The following PTPRD variants were observed in gnomAD, a reference collection of about 807,000 sequenced individuals.
PTPRD encodes receptor-type tyrosine-protein phosphatase delta.
Under a neutral mutation model 214.5 loss-of-function variants are expected in PTPRD, and 34 were observed. That is an observed-to-expected ratio of 0.16 (90% CI 0.12 to 0.21). The LOEUF is 0.21. Ranked by LOEUF, PTPRD falls within the 10% of genes least tolerant of loss-of-function variation. PTPRD has a pLI of 1.00. For synonymous variants in PTPRD, 1,128 were observed against 845.7 expected (o/e 1.33, Z -5.79); for missense variants, 2,545 against 2,398.7 (o/e 1.06, Z -1.27).
chr9:8,517,160 G>GATC (rs1456778235), intron 21 of PTPRD, among the ~76,000 whole-genome samples: 1 of 151,562 alleles, frequency 6.6e-6, no homozygotes, highest in Non-Finnish European at 1.5e-5. Context: ...AAGCCAAACT[G>GATC]ATCACCTTGA....
chr9:9,085,858 C>A (rs1389855616), intron 10 of PTPRD, among the ~76,000 whole-genome samples: 2 of 152,150 alleles, frequency 1.3e-5, no homozygotes, highest in African/African-American at 4.8e-5. Context: ...CTAGAGAAGT[C>A]TTCCGCTCAG....
intron 2 of PTPRD, among the ~76,000 whole-genome samples, chr9:10,528,159 C>A (rs1035302887): frequency 1.2e-4 from 19 of 152,148 alleles, no homozygotes; most frequent in African/African-American, 4.6e-4. Flanking sequence ...CTAAATTCCT[C>A]CAGAAGAAAT....
intron 14 of PTPRD, among the ~76,000 whole-genome samples, chr9:8,622,895 T>C (rs755466517): frequency 1.3e-5 from 2 of 152,020 alleles, no homozygotes; most frequent in East Asian, 3.9e-4. Flanking sequence ...TCCCATGACT[T>C]TGGGAAAACG....
At chr9:8,850,454 C>T (rs937999843) in intron 11 of PTPRD, among the ~76,000 whole-genome samples, 8 of 152,008 alleles carry the variant, frequency 5.3e-5, no homozygotes, top group Non-Finnish European at 1.2e-4. Context: ...AAAGAAGTAA[C>T]TGACAAAGAA....
At chr9:9,280,935 G>A (rs1947467931) in intron 9 of PTPRD, among the ~76,000 whole-genome samples, 1 of 150,962 alleles carries the variant, frequency 6.6e-6, no homozygotes, top group African/African-American at 2.4e-5. Flanking sequence ...ATAGATCAAT[G>A]GAACAGAAAA....
chr9:8,876,423 T>C (rs547956177), intron 11 of PTPRD, among the ~76,000 whole-genome samples: 1 of 152,314 alleles, frequency 6.6e-6, no homozygotes, highest in African/African-American at 2.4e-5. Flanking sequence ...GAATGTGATT[T>C]TCTGTGGGAA....
At chr9:9,630,112 C>A (rs192835181) in intron 7 of PTPRD, among the ~76,000 whole-genome samples, 65 of 152,276 alleles carry the variant, frequency 4.3e-4, no homozygotes, top group Non-Finnish European at 8.1e-4. Flanking sequence ...GAAACACATG[C>A]ATTAGGGGAG....
intron 2 of PTPRD, among the ~76,000 whole-genome samples, chr9:10,610,852 G>A (rs1468620760): frequency 6.6e-6 from 1 of 151,994 alleles, no homozygotes; most frequent in African/African-American, 2.4e-5. Context: ...TCAACACTGA[G>A]TAATCAAAAC....
intron 8 of PTPRD, among the ~76,000 whole-genome samples, chr9:9,495,567 C>G (rs1197733346): frequency 6.6e-6 from 1 of 152,030 alleles, no homozygotes; most frequent in East Asian, 1.9e-4. Context: ...GATGGCTGGA[C>G]CTTGAGGGAG....
At chr9:9,519,755 A>G (rs1011252157) in intron 8 of PTPRD, among the ~76,000 whole-genome samples, 1 of 152,064 alleles carries the variant, frequency 6.6e-6, no homozygotes, top group African/African-American at 2.4e-5. Context: ...GAAAGACTCA[A>G]TATTATCAAA....
intron 11 of PTPRD, chr9:8,861,888 C>T (rs1586828108): frequency 6.6e-6 from 1 of 152,180 alleles, no homozygotes; most frequent in East Asian, 1.9e-4. Flanking sequence ...ATGTCTAATA[C>T]ACTTTATTGA....
At chr9:9,795,405 G>C (rs530916180) in intron 5 of PTPRD, among the ~76,000 whole-genome samples, 1 of 152,084 alleles carries the variant, frequency 6.6e-6, no homozygotes, top group Non-Finnish European at 1.5e-5. Context: ...ACAATATTGA[G>C]GGCCATTGCC....
chr9:9,809,334 C>T (rs1047621979), intron 5 of PTPRD, among the ~76,000 whole-genome samples: 15 of 142,840 alleles, frequency 1.1e-4, no homozygotes, highest in Admixed American at 6.0e-4. Flanking sequence ...GTGGCCTGAT[C>T]TCGGCTCACT....
intron 5 of PTPRD, among the ~76,000 whole-genome samples, chr9:9,872,137 A>C (rs2065628226): frequency 2.0e-5 from 3 of 152,120 alleles, no homozygotes; most frequent in Admixed American, 6.5e-5. Context: ...TATCCATCAA[A>C]GTTGGCAATC....
intron 3 of PTPRD, among the ~76,000 whole-genome samples, chr9:10,226,734 G>T (rs1299059929): frequency 1.3e-5 from 2 of 151,944 alleles, no homozygotes; most frequent in Non-Finnish European, 2.9e-5. Flanking sequence ...AAGTCTGTTT[G>T]TCAGCATGAG....
intron 2 of PTPRD, among the ~76,000 whole-genome samples, chr9:10,569,608 T>C (rs911555520): frequency 1.3e-5 from 2 of 152,026 alleles, no homozygotes; most frequent in African/African-American, 4.8e-5. Context: ...TTAGGGTTGA[T>C]AAATTATTAG....
chr9:8,643,985 C>G, intron 12 of PTPRD, among the ~76,000 whole-genome samples: 1 of 152,164 alleles, frequency 6.6e-6, no homozygotes, highest in East Asian at 1.9e-4. Flanking sequence ...CTGGTGGTGC[C>G]TTTTCTGGGA....
chr9:10,162,720 CATATACATGTACATATAT>C (rs2099136100), intron 3 of PTPRD, among the ~76,000 whole-genome samples: 3 of 144,080 alleles, frequency 2.1e-5, no homozygotes, highest in Non-Finnish European at 3.0e-5. Flanking sequence ...TATATATATA[CATATACATGTACATATAT>C]ATATACATAT....
At chr9:8,515,460 T>C (rs1372265820) in intron 21 of PTPRD, among the ~76,000 whole-genome samples, 2 of 152,172 alleles carry the variant, frequency 1.3e-5, no homozygotes, top group East Asian at 1.9e-4. Context: ...AATCCATATG[T>C]TGACATCCTC....
Sources: allele counts gnomAD v4.1 joint callset (sites outside exome capture counted in the v4.1 genomes callset), GRCh38; gene constraint gnomAD v4.1.1; transcripts MANE v1.5; gene names NCBI Gene and HGNC (gene_info 2026-07-23, HGNC 2026-07-21).